The following WDR37 variants were observed in gnomAD, a reference collection of about 807,000 sequenced individuals.
The protein encoded by WDR37 is WD repeat-containing protein 37.
Under a neutral mutation model 62.9 loss-of-function variants are expected in WDR37, and 19 were observed. The ratio of observed to expected loss-of-function variants is 0.30; its 90% CI spans 0.21 to 0.44. WDR37 has a LOEUF of 0.44. Ranked by LOEUF, WDR37 falls within the 20% of genes least tolerant of loss-of-function variation. The probability of loss-of-function intolerance (pLI) is 1.00; values close to 1 mark genes in which losing one functional copy is unlikely to be tolerated. For missense variants in WDR37, 474 were observed against 657.6 expected, an observed-to-expected ratio of 0.72 and a Z score of 3.05; for synonymous variants, 250 against 260.9, an observed-to-expected ratio of 0.96 and a Z score of 0.40.
At chr10:1,127,868 G>A (rs954352546) in intron 13 of WDR37, among the ~76,000 whole-genome samples, 7 of 152,232 alleles carry the variant, frequency 4.6e-5, no homozygotes, top group African/African-American at 1.4e-4. Context: ...TGCTGTGGGC[G>A]CATGAGAGAT....
intron 11 of WDR37, among the ~76,000 whole-genome samples, chr10:1,108,739 G>GACCCCC (rs1835105576): frequency 8.9e-6 from 1 of 111,870 alleles, no homozygotes; most frequent in African/African-American, 4.1e-5. Context: ...CTTCTGTGAT[G>GACCCCC]CCCCCCCCCC....
rs540047682 is a variant in WDR37, at chr10:1,073,201, T to C, written c.138+908T>C. Among the ~76,000 whole-genome samples the C allele has an allele frequency of 2.6e-5, 4 of 152,336 alleles. No individual in the cohort carries two copies. In the East Asian group the frequency reaches 7.7e-4, roughly 29 times the overall value. On this transcript the variant is annotated intron_variant, in intron 2 of 13. Transcript: ENST00000263150. ...TAAAATAAGCTCTAGATATATCTAA[T>C]ATATGGTTATATATGTATATAACTA... is the stretch of plus-strand genomic sequence containing the variant.
intron 1 of WDR37, among the ~76,000 whole-genome samples, chr10:1,063,287 T>G (rs888453815): frequency 6.6e-6 from 1 of 152,140 alleles, no homozygotes; most frequent in Non-Finnish European, 1.5e-5. Flanking sequence ...GCTCTCTGTG[T>G]CTGAAAGACC....
Position 1,056,519 on chromosome 10 carries a change from C to G in WDR37, c.-490C>G, listed in dbSNP as rs1267777923. On this transcript the variant is annotated 5_prime_UTR_variant, in exon 1 of 14. Coordinates refer to ENST00000263150, the MANE Select transcript of WDR37 (RefSeq NM_014023.4). ...CGCCCCGGGCTCGCAGCCCTCCCGC[C>G]CCGGCTGCCGGGCTACGGGGCAGAT... 1 of 152,146 alleles carries G rather than the reference C, an allele frequency of 6.6e-6. No individual in the cohort carries two copies. Among genetic ancestry groups the G allele is most frequent in the Non-Finnish European group, 1.5e-5 (1 of 68,050 alleles). The allele number at this position is 152,146 out of a possible 1,614,324, so 9.4% of individuals were successfully genotyped here. A position where few individuals can be genotyped will look rare whatever the true frequency, so the allele number is the denominator to read the frequency against.
chr10:1,066,360 T>A (rs116959157), intron 1 of WDR37, among the ~76,000 whole-genome samples: 1 of 146,940 alleles, frequency 6.8e-6, no homozygotes, highest in Non-Finnish European at 1.5e-5. Flanking sequence ...TTGTGATCCG[T>A]CCACCTTGAC....
chr10:1,063,987 G>A (rs1397005615), intron 1 of WDR37, among the ~76,000 whole-genome samples: 4 of 152,192 alleles, frequency 2.6e-5, no homozygotes, highest in African/African-American at 9.7e-5. Flanking sequence ...TGATGCCAAC[G>A]TAGAGATGAC....
chr10:1,059,308 A>G (rs1401760402), intron 1 of WDR37, among the ~76,000 whole-genome samples: 1 of 152,146 alleles, frequency 6.6e-6, no homozygotes, highest in Admixed American at 6.5e-5. Flanking sequence ...CTCAGGAGGC[A>G]GAAGTTGCGG....
chr10:1,126,305 C>T (rs1250137772), intron 13 of WDR37, among the ~76,000 whole-genome samples: 2 of 150,612 alleles, frequency 1.3e-5, no homozygotes, highest in African/African-American at 2.5e-5. Context: ...ACTCGGGAGG[C>T]TGAGGCAGGA....
chr10:1,109,784 A>G lies in WDR37; in HGVS notation c.1103+4517A>G, dbSNP rs143838693. Among the ~76,000 whole-genome samples the G allele has an allele frequency of 7.2e-3, 1,093 of 152,344 alleles. 8 individuals are homozygous for G. Among genetic ancestry groups the G allele is most frequent in the Admixed American group, 0.01 (157 of 15,308 alleles). ...GCTAGTGGATACATGAAACAATGGT[A>G]GTTTTTTAGAGAGCTGTACTTATGA... On this transcript the variant is annotated intron_variant, in intron 11 of 13. Transcript: ENST00000263150.
At chr10:1,113,394 T>A (rs1446425070) in intron 11 of WDR37, among the ~76,000 whole-genome samples, 2 of 152,196 alleles carry the variant, frequency 1.3e-5, no homozygotes, top group Non-Finnish European at 2.9e-5. Flanking sequence ...TCATGCCTGG[T>A]AACACAACCC....
At chr10:1,084,828 C>T (rs988365562) in intron 6 of WDR37, among the ~76,000 whole-genome samples, 2 of 152,258 alleles carry the variant, frequency 1.3e-5, no homozygotes, top group Non-Finnish European at 2.9e-5. Flanking sequence ...AGATGTGCAT[C>T]TGCACCCTGT....
chr10:1,079,146 G>A (rs188297008), intron 3 of WDR37, among the ~76,000 whole-genome samples: 132 of 151,724 alleles, frequency 8.7e-4, no homozygotes, highest in East Asian at 4.6e-3. Flanking sequence ...GTGCAGTGGC[G>A]TGATCTGGGC....
In WDR37 at chr10:1,077,976, G is replaced by A. The variant is rs1219694932; in HGVS notation, c.208G>A (p.Glu70Lys). 2 of 1,610,926 alleles carry A rather than the reference G, an allele frequency of 1.2e-6. No individual in the cohort carries two copies. The highest frequency in any genetic ancestry group is 4.5e-5 in the East Asian group (2 of 44,708). ...ELFGQIEREFENLYIENLELR... is the reference protein window; with the variant it reads ...ELFGQIEREFKNLYIENLELR... ...GTTTGGTCAAATAGAAAGAGAATTT[G>A]AAAACCTTTATATCGAAAACTTAGA... The change falls in exon 3 of 14, where the codon GAA (glutamate) becomes AAA (lysine). Residue 70 changes from glutamate (E) to lysine (K), a missense_variant. Transcript: ENST00000263150.
chr10:1,086,079 T>C (rs1455894929), intron 6 of WDR37, among the ~76,000 whole-genome samples: 1 of 152,228 alleles, frequency 6.6e-6, no homozygotes, highest in Non-Finnish European at 1.5e-5. Flanking sequence ...TTAGCTGACT[T>C]CATGGCCTCA....
At position 1,113,537 on chromosome 10, in the gene WDR37, C is replaced by T. The variant is rs571228473; in HGVS notation, c.1103+8270C>T. On this transcript the variant is annotated intron_variant, in intron 11 of 13. Coordinates refer to ENST00000263150, the MANE Select transcript of WDR37 (RefSeq NM_014023.4). ...GGACCTTGGCAACGTCAATTGAGCA[C>T]CTTCTGGAAAGGATTTATCATTCTG... Among the ~76,000 whole-genome samples the T allele has an allele frequency of 3.3e-5, 5 of 152,272 alleles. No homozygotes were observed. In the East Asian group the frequency reaches 9.7e-4, roughly 29 times the overall value.
chr10:1,116,836 C>G (rs117859365), intron 11 of WDR37, among the ~76,000 whole-genome samples: 1 of 151,786 alleles, frequency 6.6e-6, no homozygotes, highest in Non-Finnish European at 1.5e-5. Flanking sequence ...ACAGAAACTG[C>G]CAAGGAGACG....
intron 2 of WDR37, among the ~76,000 whole-genome samples, chr10:1,072,632 G>A (rs560445613): frequency 8.3e-4 from 127 of 152,260 alleles, no homozygotes; most frequent in African/African-American, 3.0e-3. Flanking sequence ...TTATTTTAAA[G>A]ATGGTGATTG....
At chr10:1,072,489 T>G (rs1447719821) in intron 2 of WDR37, among the ~76,000 whole-genome samples, 196 bp downstream of exon 2, 1 of 152,222 alleles carries the variant, frequency 6.6e-6, no homozygotes, top group Non-Finnish European at 1.5e-5. Context: ...TGATTTTGTA[T>G]TTTTAGTAGA....
chr10:1,096,047 C>A (rs1390246703), intron 8 of WDR37, 123 bp from the exon 9 acceptor site: 1 of 809,498 alleles, frequency 1.2e-6, no homozygotes, highest in Non-Finnish European at 2.1e-6. Context: ...AAGTACATTC[C>A]TCTCACTAAG....
Sources: allele counts gnomAD v4.1 joint callset (sites outside exome capture counted in the v4.1 genomes callset), GRCh38; gene constraint gnomAD v4.1.1; transcripts MANE v1.5; gene names NCBI Gene and HGNC (gene_info 2026-07-23, HGNC 2026-07-21).